Variants in SLC2A9 observed in about 807,000 individuals in gnomAD.
SLC2A9 encodes solute carrier family 2 member 9.
SLC2A9 carries 39 observed loss-of-function variants against 50.6 expected under a neutral mutation model. The ratio of observed to expected loss-of-function variants is 0.77; its 90% confidence interval spans 0.60 to 1.01. SLC2A9 has a LOEUF of 1.01. SLC2A9 is among the 50% of genes least tolerant of loss of function. The pLI is 0.00. For synonymous variants in SLC2A9, 324 were observed against 276.9 expected (o/e 1.17, Z -1.69); for missense variants, 686 against 677.6 (o/e 1.01, Z -0.14).
intron 11 of SLC2A9, among the ~76,000 whole-genome samples, chr4:9,833,272 C>G (rs16889260): frequency 1.3e-5 from 2 of 152,052 alleles, no homozygotes; most frequent in African/African-American, 4.8e-5. Context: ...GCAGCCCTTA[C>G]GTTTCAGAAA....
intron 5 of SLC2A9, among the ~76,000 whole-genome samples, chr4:9,963,247 C>T (rs538303832): frequency 6.6e-6 from 1 of 152,280 alleles, no homozygotes; most frequent in Non-Finnish European, 1.5e-5. Flanking sequence ...GGGAAAGCAC[C>T]ACCATGATCC....
intron 2 of SLC2A9, 113 bp from the exon 3 acceptor site, chr4:9,997,054 T>G: frequency 7.9e-7 from 1 of 1,264,500 alleles, no homozygotes; most frequent in Non-Finnish European, 1.1e-6. Context: ...CATAGCACTT[T>G]GCTAATTTGT....
upstream of SLC2A9, among the ~76,000 whole-genome samples, chr4:10,023,204 G>T (rs1763628414): frequency 6.6e-6 from 1 of 152,198 alleles, no homozygotes; most frequent in African/African-American, 2.4e-5. Context: ...AGGAGCCAAG[G>T]CCTGCAGGCA....
In SLC2A9 at chr4:9,913,621, C is replaced by T. The variant is rs80293058; in HGVS notation, c.1003-5276G>A. The stretch of plus-strand genomic sequence containing the variant: ...CTAGGGAACATACCTCCCTCTCAAC[C>T]CAAGGGACAGGGAGGTAGGGAGTGC... On this transcript the variant is annotated intron_variant, in intron 7 of 11. Transcript: ENST00000264784. Among the ~76,000 whole-genome samples the T allele has an allele frequency of 3.5e-3, 526 of 152,266 alleles. 4 individuals carry two copies. The highest frequency in any genetic ancestry group is 0.011 in the African/African-American group (478 of 41,576).
intron 3 of SLC2A9, among the ~76,000 whole-genome samples, chr4:9,802,584 G>A (rs1349634606): frequency 7.5e-6 from 1 of 133,534 alleles, no homozygotes; most frequent in Non-Finnish European, 1.6e-5. Context: ...TTTTTGAGAT[G>A]GAGTTTCACT....
At chr4:10,007,643 G>A (rs1308427650) in intron 2 of SLC2A9, among the ~76,000 whole-genome samples, 1 of 152,192 alleles carries the variant, frequency 6.6e-6, no homozygotes. Flanking sequence ...TCCTCCTGCT[G>A]GAACATTCTT....
intron 7 of SLC2A9, among the ~76,000 whole-genome samples, chr4:9,915,947 T>C (rs1167359677): frequency 1.3e-5 from 2 of 152,194 alleles, no homozygotes; most frequent in Non-Finnish European, 2.9e-5. Flanking sequence ...CTCCTAATGA[T>C]GGTTCAACAA....
chr4:9,817,267 G>T (rs768399076), intron 3 of SLC2A9, among the ~76,000 whole-genome samples: 1 of 152,188 alleles, frequency 6.6e-6, no homozygotes, highest in Non-Finnish European at 1.5e-5. Context: ...ATACTCGAAG[G>T]TTCTTAGGAT....
chr4:9,860,075 G>C (rs1030548976), intron 10 of SLC2A9, among the ~76,000 whole-genome samples: 1 of 152,166 alleles, frequency 6.6e-6, no homozygotes, highest in African/African-American at 2.4e-5. Context: ...TCACAGCAGA[G>C]GGAGTGAGAA....
intron 3 of SLC2A9, among the ~76,000 whole-genome samples, chr4:9,800,242 C>A (rs1404731905): frequency 6.6e-6 from 1 of 152,154 alleles, no homozygotes; most frequent in Non-Finnish European, 1.5e-5. Context: ...GGCTCTAGGT[C>A]ATGGACGTGG....
At chr4:9,777,448 C>T (rs115490896), downstream of SLC2A9, among the ~76,000 whole-genome samples, 760 of 152,258 alleles carry the variant, frequency 5.0e-3, 8 homozygotes, top group Middle Eastern at 0.02. Context: ...CTATCTGTCA[C>T]TTACACACCA....
intron 5 of SLC2A9, among the ~76,000 whole-genome samples, chr4:9,974,376 CAA>C (rs1053634308): frequency 3.3e-5 from 5 of 151,952 alleles, no homozygotes; most frequent in African/African-American, 9.7e-5. Context: ...AAGACTCCAC[CAA>C]AAGTCTCCTG....
intron 11 of SLC2A9, among the ~76,000 whole-genome samples, chr4:9,828,109 G>C (rs182640648): frequency 9.2e-5 from 14 of 152,252 alleles, no homozygotes; most frequent in African/African-American, 2.9e-4. Flanking sequence ...CATCTCTGCT[G>C]ATGGCACCTC....
At chr4:9,910,185 G>A (rs4640670) in intron 7 of SLC2A9, among the ~76,000 whole-genome samples, 4,329 of 152,248 alleles carry the variant, frequency 0.028, 161 homozygotes, top group Admixed American at 0.11. Flanking sequence ...TTTAATATTC[G>A]TGTAAAACAA....
intron 10 of SLC2A9, among the ~76,000 whole-genome samples, chr4:9,850,728 C>T (rs1033291646): frequency 6.6e-6 from 1 of 152,172 alleles, no homozygotes; most frequent in African/African-American, 2.4e-5. Flanking sequence ...CACCATCCCA[C>T]ATCGCTTTGC....
At chr4:10,012,116 G>T (rs1371253275) in intron 2 of SLC2A9, among the ~76,000 whole-genome samples, 1 of 152,154 alleles carries the variant, frequency 6.6e-6, no homozygotes, top group African/African-American at 2.4e-5. Context: ...AGACCATATG[G>T]CCAACAAAGA....
intron 5 of SLC2A9, among the ~76,000 whole-genome samples, chr4:9,966,923 G>A (rs896954051): frequency 2.6e-5 from 4 of 152,206 alleles, no homozygotes; most frequent in African/African-American, 7.2e-5. Context: ...ATCCCTTAGT[G>A]CCTTTGATCT....
At chr4:9,908,125 T>C (rs370426243) in intron 8 of SLC2A9, 110 bp downstream of exon 8, 28 of 806,614 alleles carry the variant, frequency 3.5e-5, no homozygotes, top group East Asian at 1.5e-4. Context: ...ATTGTCCTAA[T>C]TGATGAATTC....
intron 5 of SLC2A9, among the ~76,000 whole-genome samples, chr4:9,948,127 C>A (rs547816690): frequency 6.6e-5 from 10 of 152,228 alleles, no homozygotes; most frequent in South Asian, 4.2e-4. Flanking sequence ...ACCACCCCCC[C>A]ACCCCTTACC....
Sources: allele counts gnomAD v4.1 joint callset (sites outside exome capture counted in the v4.1 genomes callset), GRCh38; gene constraint gnomAD v4.1.1; transcripts MANE v1.5; gene names NCBI Gene and HGNC (gene_info 2026-07-23, HGNC 2026-07-21).